The following XPO5 variants were observed in gnomAD, a reference collection of about 807,000 sequenced individuals.
XPO5 encodes exportin-5.
A neutral mutation model predicts 160.6 loss-of-function variants in XPO5; 46 were observed. That is an observed-to-expected ratio of 0.29 (90% CI 0.23 to 0.37). XPO5 has a LOEUF of 0.37. XPO5 is among the 10% of genes least tolerant of loss of function. The probability of loss-of-function intolerance (pLI) is 1.00; values close to 1 mark genes in which losing one functional copy is unlikely to be tolerated. For synonymous variants in XPO5, 537 were observed against 519.3 expected (o/e 1.03, Z -0.46); for missense variants, 1,090 against 1,463.9 (o/e 0.74, Z 4.17).
At chr6:43,571,901 G>A (rs78567231) in intron 3 of XPO5, among the ~76,000 whole-genome samples, 1,921 of 151,434 alleles carry the variant, frequency 0.013, 43 homozygotes, top group African/African-American at 0.045. Flanking sequence ...CATAGTAGTT[G>A]TTTGGAATAA....
chr6:43,543,454 AAAGT>A (rs140164237), intron 20 of XPO5, among the ~76,000 whole-genome samples: 4,955 of 152,064 alleles, frequency 0.033, 257 homozygotes, highest in African/African-American at 0.11. Context: ...TCGTGCCTCA[AAAGT>A]AAGTAAGTAA....
rs1207080523 is a variant in XPO5, at chr6:43,555,863, T to C, written c.1414A>G (p.Thr472Ala). The change falls in exon 13 of 32, where the codon ACT becomes GCT. Residue 472 changes from threonine (T) to alanine (A), a missense_variant. Physicochemically the swap from Thr to Ala is moderately conservative, Grantham distance 58. This residue lies in a region of XPO5 where 810 missense variants were observed against 1,139.0 expected (regional missense o/e 0.71). Transcript: ENST00000265351. ...TTCACAGAACCAGCATCAAGAAAAG[T>C]TGATAGTTGATACTTTAGCCACTCC... ...AGEWLKYQLS[T>A]FLDAGSVNSC... is the part of the protein sequence containing the mutation. 11 of 1,613,782 alleles carry C rather than the reference T, an allele frequency of 6.8e-6. No homozygotes were observed. The highest frequency in any genetic ancestry group is 1.3e-5 in the African/African-American group (1 of 74,900).
intron 26 of XPO5, chr6:43,527,190 AT>A (rs1793651354): frequency 4.8e-6 from 1 of 209,892 alleles, no homozygotes; most frequent in Admixed American, 5.2e-5. Context: ...TCAGCTTGCA[AT>A]TCATAAAGTA....
rs1294557639 is a variant in XPO5 at position 43,524,487 on chromosome 6, A to G, written c.3461T>C (p.Ile1154Thr). The G allele has an allele frequency of 6.2e-7, 1 of 1,613,678 alleles. No individual in the cohort carries two copies. Among genetic ancestry groups the G allele is most frequent in the Non-Finnish European group, 8.5e-7 (1 of 1,179,872 alleles). Residue 1154 changes from isoleucine (I) to threonine (T), a missense_variant, in exon 31 of 32, where the codon ATT becomes ACT. Transcript: ENST00000265351. ...ATGACCTACCCCAATGCAACCAGCAATGAGGCGTTTGAATTGGTCCTTTCG... is the reference window on the plus strand; with the variant it reads ...ATGACCTACCCCAATGCAACCAGCAGTGAGGCGTTTGAATTGGTCCTTTCG... ...KRRKDQFKRLIAGCIGKPLGE... is the reference protein window; with the variant it reads ...KRRKDQFKRLTAGCIGKPLGE...
intron 14 of XPO5, 88 bp downstream of exon 14, chr6:43,553,283 CAG>C: frequency 6.9e-7 from 1 of 1,449,514 alleles, no homozygotes; most frequent in African/African-American, 1.4e-5. Context: ...GCCTGAGCAA[CAG>C]AGAGATATAG....
At chr6:43,538,587 A>G (rs1027921639) in intron 20 of XPO5, among the ~76,000 whole-genome samples, 5 of 152,186 alleles carry the variant, frequency 3.3e-5, no homozygotes, top group Non-Finnish European at 7.3e-5. Flanking sequence ...GAGATATAAC[A>G]ATGGAAATGT....
At chr6:43,560,708 A>G (rs1762372439) in intron 10 of XPO5, among the ~76,000 whole-genome samples, 1 of 152,230 alleles carries the variant, frequency 6.6e-6, no homozygotes, top group Non-Finnish European at 1.5e-5. Context: ...TACAATCAGA[A>G]TATTACCTAA....
At chr6:43,546,223 C>A (rs1211817776) in intron 20 of XPO5, among the ~76,000 whole-genome samples, 1 of 152,042 alleles carries the variant, frequency 6.6e-6, no homozygotes, top group Non-Finnish European at 1.5e-5. Flanking sequence ...AAGGCAACTG[C>A]CCTGCTCCCA....
At chr6:43,528,567 C>A (rs1450017643) in intron 24 of XPO5, among the ~76,000 whole-genome samples, 1 of 152,142 alleles carries the variant, frequency 6.6e-6, no homozygotes, top group South Asian at 2.1e-4. Flanking sequence ...GCAAGCATTC[C>A]TCTTTTTACC....
intron 20 of XPO5, among the ~76,000 whole-genome samples, chr6:43,541,052 C>A (rs1794665038): frequency 6.6e-6 from 1 of 151,946 alleles, no homozygotes. Flanking sequence ...AAAATTTAAA[C>A]AATTCGACTC....
Position 43,568,704 on chromosome 6 carries a change from C to T in XPO5, c.648+7G>A, listed in dbSNP as rs367687316. ...GGTCTCCTTCAAACTTTATAAAGAG[C>T]TCTTACCTTTGACTCCTGAGAAGTA... On this transcript the variant is annotated splice_region_variant and intron_variant, in intron 6 of 31. Transcript: ENST00000265351. 3 of 1,578,780 alleles carry T rather than the reference C, an allele frequency of 1.9e-6. No homozygotes were observed. The African/African-American group carries it at 4.1e-5, about 21-fold the overall frequency.
At chr6:43,549,173 T>G (rs1457257218) in intron 17 of XPO5, among the ~76,000 whole-genome samples, 3 of 152,184 alleles carry the variant, frequency 2.0e-5, no homozygotes, top group Non-Finnish European at 4.4e-5. Context: ...GTGATTCTCC[T>G]GCCTCAGCCT....
chr6:43,560,907 A>C lies in XPO5; in HGVS notation c.1095+17T>G. The C allele has an allele frequency of 6.2e-7, 1 of 1,605,350 alleles. No individual in the cohort carries two copies. Among genetic ancestry groups the C allele is most frequent in the Non-Finnish European group, 8.5e-7 (1 of 1,172,126 alleles). ...CACCTAACTAAACTTTTGAGAAGTT[A>C]CCTGTATAAAGTTTACCTGACTTGG... On this transcript the variant is annotated intron_variant, in intron 10 of 31. Coordinates refer to ENST00000265351, the MANE Select transcript of XPO5 (RefSeq NM_020750.3).
intron 21 of XPO5, 83 bp from the exon 22 acceptor site, chr6:43,531,658 G>C (rs1793987753): frequency 8.3e-7 from 1 of 1,199,934 alleles, no homozygotes; most frequent in Non-Finnish European, 1.2e-6. Context: ...GGAAGCTGTT[G>C]TTCAGGGGTG....
intron 26 of XPO5, 51 bp from the exon 27 acceptor site, chr6:43,526,798 C>T (rs1226266965): frequency 1.9e-6 from 3 of 1,579,446 alleles, no homozygotes; most frequent in Admixed American, 1.8e-5. Flanking sequence ...TATACTACCA[C>T]AACAGCCACC....
At chr6:43,524,384 G>C in intron 31 of XPO5, 87 bp downstream of exon 31, 1 of 1,404,746 alleles carries the variant, frequency 7.1e-7, no homozygotes. Context: ...TCACCATAAT[G>C]GTCAATAACT....
chr6:43,560,353 C>A (rs1561882555), intron 10 of XPO5, 50 bp from the exon 11 acceptor site: 1 of 1,536,014 alleles, frequency 6.5e-7, no homozygotes, highest in East Asian at 2.3e-5. Flanking sequence ...TTCTATATAA[C>A]CCAGATTATT....
rs1293762450 is a variant in XPO5, at chr6:43,573,518, G to A, written c.189C>T (p.Val63=). ...RLAEKTQVAI[V]RHFGLQILEH... ...CCAGGATCTGAAGGCCAAAATGTCT[G>A]ACGATGGCAACTTGTGTTTTCTCAG... is the stretch of plus-strand genomic sequence containing the variant. The change falls in exon 2 of 32, where the codon GTC becomes GTT. Residue 63 remains valine, a synonymous_variant. Coordinates refer to ENST00000265351, the MANE Select transcript of XPO5 (RefSeq NM_020750.3). 2 of 1,613,648 alleles carry A rather than the reference G, an allele frequency of 1.2e-6. No homozygotes were observed. Among genetic ancestry groups the A allele is most frequent in the Non-Finnish European group, 1.7e-6 (2 of 1,179,748 alleles).
At chr6:43,560,544 C>T (rs1331780872) in intron 10 of XPO5, among the ~76,000 whole-genome samples, 4 of 151,886 alleles carry the variant, frequency 2.6e-5, no homozygotes, top group Non-Finnish European at 4.4e-5. Context: ...CTCTTCTTTG[C>T]AAAAAAGGAT....
Sources: allele counts gnomAD v4.1 joint callset (sites outside exome capture counted in the v4.1 genomes callset), GRCh38; gene constraint gnomAD v4.1.1; regional missense constraint gnomAD v4.1.1; transcripts MANE v1.5; gene names NCBI Gene and HGNC (gene_info 2026-07-23, HGNC 2026-07-21).